MPP7: variants seen among roughly 807,000 people sequenced by gnomAD.
MPP7 encodes the protein MAGUK p55 scaffold protein 7, also known as MAGUK p55 subfamily member 7.
A neutral mutation model predicts 76.5 loss-of-function variants in MPP7; 60 were observed. The observed-to-expected ratio is 0.78, with a 90% CI of 0.64 to 0.97. The LOEUF is 0.97. Among genes scored for constraint, MPP7 ranks in the 50% least tolerant of loss-of-function variants. The pLI, the probability that MPP7 is intolerant of heterozygous loss-of-function variation, is 0.00. For synonymous variants in MPP7, 237 were observed against 244.5 expected (o/e 0.97, Z 0.29); for missense variants, 641 against 694.0 (o/e 0.92, Z 0.86).
chr10:28,138,060 T>C (rs575342221), intron 5 of MPP7, among the ~76,000 whole-genome samples: 15 of 152,354 alleles, frequency 9.8e-5, no homozygotes, highest in African/African-American at 3.4e-4. Flanking sequence ...GTAATTTCTC[T>C]TAAGTGAATG....
intron 5 of MPP7, among the ~76,000 whole-genome samples, chr10:28,140,078 A>T (rs1168840418): frequency 6.6e-6 from 1 of 152,244 alleles, no homozygotes; most frequent in African/African-American, 2.4e-5. Context: ...CAAGAAGTTA[A>T]TATCAATGCC....
chr10:28,091,176 T>C (rs1853281880), intron 11 of MPP7, among the ~76,000 whole-genome samples: 1 of 152,002 alleles, frequency 6.6e-6, no homozygotes, highest in Non-Finnish European at 1.5e-5. Flanking sequence ...AAAACCCTTA[T>C]ATATATTTTA....
chr10:28,059,433 C>T (rs1851688860), intron 14 of MPP7: 7 of 469,048 alleles, frequency 1.5e-5, no homozygotes, highest in South Asian at 5.6e-5. Flanking sequence ...GCAGTGTCTA[C>T]ACATTTTATA....
chr10:28,068,079 T>G (rs551960802), intron 13 of MPP7, among the ~76,000 whole-genome samples: 1 of 152,212 alleles, frequency 6.6e-6, no homozygotes, highest in Non-Finnish European at 1.5e-5. Context: ...TTGTAATCTG[T>G]TTTTGCATCT....
At chr10:28,151,827 C>T (rs1835892798) in intron 3 of MPP7, among the ~76,000 whole-genome samples, 2 of 152,190 alleles carry the variant, frequency 1.3e-5, no homozygotes, top group South Asian at 4.1e-4. Context: ...CCCACTTTTC[C>T]TCTCAGACTG....
At chr10:28,217,977 C>T (rs1838369729) in intron 2 of MPP7, among the ~76,000 whole-genome samples, 1 of 152,226 alleles carries the variant, frequency 6.6e-6, no homozygotes, top group Non-Finnish European at 1.5e-5. Flanking sequence ...AGTATGTGAG[C>T]TCTGATTTAC....
intron 16 of MPP7, among the ~76,000 whole-genome samples, chr10:28,054,645 T>C (rs1354531411): frequency 2.0e-5 from 3 of 152,130 alleles, no homozygotes; most frequent in Non-Finnish European, 4.4e-5. Context: ...TTTTTCAGAG[T>C]TGGACAAATT....
chr10:28,121,027 G>A (rs958600153), intron 8 of MPP7, among the ~76,000 whole-genome samples: 1 of 152,122 alleles, frequency 6.6e-6, no homozygotes, highest in African/African-American at 2.4e-5. Context: ...AATGTATAAA[G>A]GTCTGGGTGC....
chr10:28,273,261 A>C (rs1840385672), intron 1 of MPP7, among the ~76,000 whole-genome samples: 1 of 152,214 alleles, frequency 6.6e-6, no homozygotes, highest in African/African-American at 2.4e-5. Flanking sequence ...GCCAGTATTA[A>C]CAGTTCAAAA....
intron 2 of MPP7, among the ~76,000 whole-genome samples, chr10:28,323,454 GAAA>G (rs5784053): frequency 6.9e-6 from 1 of 144,204 alleles, no homozygotes. Context: ...CTCTATCTAG[GAAA>G]AAAAAAAAAA....
chr10:28,174,186 T>G lies in MPP7; in HGVS notation c.157-24127A>C, dbSNP rs184492788. The stretch of plus-strand genomic sequence containing the variant: ...TGGAACAGCAACGACTGTCATACAC[T>G]GATCGTGGCAATACAAACCGCAACA... On this transcript the variant is annotated intron_variant, in intron 3 of 16. Coordinates refer to ENST00000683449, the MANE Select transcript of MPP7 (RefSeq NM_001318170.2). Among the ~76,000 whole-genome samples, 4 of 152,174 alleles carry G rather than the reference T, an allele frequency of 2.6e-5. No homozygotes were observed. The East Asian group carries it at 7.7e-4, about 29-fold the overall frequency.
intron 12 of MPP7, among the ~76,000 whole-genome samples, chr10:28,081,482 T>C (rs555864899): frequency 4.5e-4 from 68 of 152,194 alleles, no homozygotes; most frequent in Non-Finnish European, 8.5e-4. Flanking sequence ...TTGAGATGTT[T>C]TGGTGGCTAA....
chr10:28,263,432 C>A (rs548408205), intron 1 of MPP7, among the ~76,000 whole-genome samples: 82 of 152,196 alleles, frequency 5.4e-4, no homozygotes, highest in African/African-American at 2.0e-3. Context: ...GGGATAAAGC[C>A]CCAAAAGTGT....
intron 12 of MPP7, among the ~76,000 whole-genome samples, chr10:28,075,742 T>C (rs1242442638): frequency 1.3e-5 from 2 of 152,282 alleles, no homozygotes; most frequent in East Asian, 1.9e-4. Context: ...TCTGACACTT[T>C]ACATTTGGGT....
At chr10:28,320,941 C>T (rs752562668) in intron 2 of MPP7, among the ~76,000 whole-genome samples, 21 of 152,118 alleles carry the variant, frequency 1.4e-4, no homozygotes, top group Middle Eastern at 6.8e-3. Context: ...CAGGGGCAGA[C>T]AGAGTGTCCC....
chr10:28,309,868 C>A (rs1178960235), intron 2 of MPP7, among the ~76,000 whole-genome samples: 1 of 144,594 alleles, frequency 6.9e-6, no homozygotes, highest in Non-Finnish European at 1.5e-5. Context: ...CTCCAGCTGT[C>A]ATCACATGAT....
chr10:28,233,704 C>A (rs1469568803), intron 2 of MPP7, among the ~76,000 whole-genome samples: 1 of 137,144 alleles, frequency 7.3e-6, no homozygotes, highest in African/African-American at 2.8e-5. Flanking sequence ...GGCGACAGAG[C>A]GAGACTCCGT....
In MPP7 at chr10:28,253,230, G is replaced by C. The variant is rs147622801; in HGVS notation, c.-131-14495C>G. Among the ~76,000 whole-genome samples, 7 of 152,202 alleles carry C rather than the reference G, an allele frequency of 4.6e-5. No individual in the cohort carries two copies. The East Asian group carries it at 1.4e-3, about 29-fold the overall frequency. On this transcript the variant is annotated intron_variant, in intron 1 of 16. Transcript: ENST00000683449. ...CTCATCTGCATTTCTTTAAAGATCA[G>C]AATGGTTTTTGATTCTTGGTAAAAG...
intron 12 of MPP7, among the ~76,000 whole-genome samples, chr10:28,085,968 G>T (rs1172341435): frequency 6.6e-6 from 1 of 152,160 alleles, no homozygotes; most frequent in East Asian, 1.9e-4. Flanking sequence ...CATAAAAAAG[G>T]ATGAGTTCAT....
Sources: gnomAD v4.1 joint callset for allele counts (sites outside exome capture counted in the v4.1 genomes callset) on GRCh38, gnomAD v4.1.1 for gene constraint, MANE v1.5 for transcripts, NCBI Gene and HGNC (gene_info 2026-07-23, HGNC 2026-07-21) for gene names.